The following POLR3E variants were observed in gnomAD, a reference collection of about 807,000 sequenced individuals.
The protein encoded by POLR3E is DNA-directed RNA polymerase III subunit RPC5.
In POLR3E, 41 loss-of-function variants were observed where a neutral mutation model predicts 96.6. That is an observed-to-expected ratio of 0.42 (90% CI 0.33 to 0.55). The LOEUF (loss-of-function observed/expected upper bound fraction) is 0.55. POLR3E is among the 20% of genes least tolerant of loss of function. POLR3E has a pLI of 0.06. For synonymous variants in POLR3E, 396 were observed against 383.6 expected (o/e 1.03, Z -0.38); for missense variants, 849 against 952.1 (o/e 0.89, Z 1.43).
At position 22,318,876 on chromosome 16, in the gene POLR3E, G is replaced by C. The variant is rs779553669; in HGVS notation, c.916G>C (p.Asp306His). 6.2e-7 allele frequency: 1 copy of C among 1,613,796 alleles called. No homozygotes were observed. The highest frequency in any genetic ancestry group is 8.5e-7 in the Non-Finnish European group (1 of 1,179,806). Residue 306 changes from aspartate (D) to histidine (H), a missense_variant, in exon 13 of 21, where the codon GAT (aspartate) becomes CAT (histidine). By Grantham distance (81) the Asp-to-His change is moderately conservative. Transcript: ENST00000299853. This position sits in a 1 kb window ranked among gnomAD's most constrained non-coding sequence, Gnocchi z 5.0. ...NLMSLLGPSIDSVAVLRGIQK... is the reference protein window; with the variant it reads ...NLMSLLGPSIHSVAVLRGIQK... ...GATGAGCCTCCTGGGCCCCTCCATC[G>C]ATTCCGTGGCTGTTCTGCGGGGCAT...
chr16:22,298,135 TC>T (rs1443610187), intron 1 of POLR3E, among the ~76,000 whole-genome samples: 1 of 152,236 alleles, frequency 6.6e-6, no homozygotes, highest in Non-Finnish European at 1.5e-5. Context: ...GACCATTCGG[TC>T]CGAGGAGGTG....
rs1325075392 is a variant in POLR3E at position 22,318,627 on chromosome 16, AG to A, written c.866-198del. 6.6e-6 allele frequency among the ~76,000 whole-genome samples: 1 copy of A among 152,194 alleles called. No homozygotes were observed. The highest frequency in any genetic ancestry group is 1.5e-5 in the Non-Finnish European group (1 of 68,038). On this transcript the variant is annotated intron_variant, in intron 12 of 20. Transcript: ENST00000299853. The surrounding 1 kb of genome is among the most constrained non-coding windows in gnomAD (Gnocchi z 5.0). ...TTAAGGGGCACTTCATATAATCCTC[AG>A]ATTTCATGAGGTGCCCAGTGCCTGG...
At position 22,333,181 on chromosome 16, in the gene POLR3E, G is replaced by A. The variant is rs144678520; in HGVS notation, c.2071-463G>A. 7.9e-3 allele frequency among the ~76,000 whole-genome samples: 1,183 copies of A among 150,000 alleles called. 5 individuals are homozygous for A. Among genetic ancestry groups the A allele is most frequent in the Non-Finnish European group, 0.013 (882 of 67,342 alleles). ...ATGCCCCTGAGGAATGGCCAGGCGC[G>A]GTGGCTCACACCTGTAATCCCAGCG... On this transcript the variant is annotated intron_variant, in intron 20 of 20. Transcript: ENST00000299853.
chr16:22,308,635 T>C (rs761364523), intron 4 of POLR3E, among the ~76,000 whole-genome samples: 6 of 152,190 alleles, frequency 3.9e-5, no homozygotes, highest in Non-Finnish European at 1.5e-5. Context: ...ATAAGGATTT[T>C]TATGAGAAAT....
chr16:22,311,771 C>T (rs960126481), intron 6 of POLR3E, among the ~76,000 whole-genome samples: 2 of 152,048 alleles, frequency 1.3e-5, no homozygotes, highest in Non-Finnish European at 2.9e-5. Context: ...TCTGGGATTA[C>T]AGATATGAGC....
intron 19 of POLR3E, 183 bp downstream of exon 19, chr16:22,328,770 T>G (rs568484204): frequency 3.4e-6 from 2 of 588,550 alleles, no homozygotes; most frequent in Non-Finnish European, 6.2e-6. Context: ...TGCCAATAGT[T>G]TGAACCTAAA....
rs777230978 is a variant in POLR3E, at chr16:22,325,194, CTT to C, written c.1287-10_1287-9del. 5.0e-6 allele frequency: 8 copies of C among 1,608,420 alleles called. No homozygotes were observed. The South Asian group carries it at 8.8e-5, about 18-fold the overall frequency. Reference sequence around the variant, plus strand: ...GTGGTTTAAAGTTAATGGGGTTACTCTTCTTTTCAGACTGGAAAAAGTCTATA... The same window carrying C: ...GTGGTTTAAAGTTAATGGGGTTACTCCTTTTCAGACTGGAAAAAGTCTATA... On this transcript the variant is annotated splice_polypyrimidine_tract_variant and intron_variant, in intron 16 of 20. Coordinates refer to ENST00000299853, the MANE Select transcript of POLR3E (RefSeq NM_018119.4).
intron 13 of POLR3E, among the ~76,000 whole-genome samples, chr16:22,320,358 T>A (rs1041108088): frequency 7.9e-5 from 12 of 151,942 alleles, no homozygotes; most frequent in African/African-American, 2.7e-4. Flanking sequence ...GTCTCCCGGG[T>A]TTAAGCGATT....
Position 22,317,130 on chromosome 16 carries a change from C to G in POLR3E, c.789C>G (p.Ala263=). Residue 263 remains alanine (A), a synonymous_variant, in exon 12 of 21, where the codon GCC becomes GCG. Coordinates refer to ENST00000299853, the MANE Select transcript of POLR3E (RefSeq NM_018119.4). ...CTTTTCCCAGAGACAAGCCTGTGGC[C>G]CCCAGCAACGTCCTGTCGATGGCCC... The part of the protein sequence containing the change: ...SQEEEKDKPV[A]PSNVLSMAQL... The G allele has an allele frequency of 4.3e-6, 7 of 1,614,160 alleles. No individual in the cohort carries two copies. The highest frequency in any genetic ancestry group is 5.9e-6 in the Non-Finnish European group (7 of 1,179,988).
In POLR3E at chr16:22,313,590, G is replaced by A. The variant is rs1207445122; in HGVS notation, c.365-30G>A. Reference sequence around the variant, plus strand: ...GAGCCAAACTGGGTGGGTTTCTAGAGTTGAGTCCAAGCCCTTCTTCCTCCG... The same window carrying A: ...GAGCCAAACTGGGTGGGTTTCTAGAATTGAGTCCAAGCCCTTCTTCCTCCG... On this transcript the variant is annotated intron_variant, in intron 6 of 20. Coordinates refer to ENST00000299853, the MANE Select transcript of POLR3E (RefSeq NM_018119.4). The surrounding 1 kb of genome is among the most constrained non-coding windows in gnomAD (Gnocchi z 4.1). 3 of 1,511,316 alleles carry A rather than the reference G, an allele frequency of 2.0e-6. No homozygotes were observed. In the South Asian group the frequency reaches 3.4e-5, roughly 17 times the overall value. The allele number at this position is 1,511,316 out of a possible 1,614,324, so 93.6% of individuals were successfully genotyped here.
At chr16:22,314,293 A>G (rs11864910) in intron 8 of POLR3E, among the ~76,000 whole-genome samples, 165 bp downstream of exon 8, 5,740 of 152,194 alleles carry the variant, frequency 0.038, 215 homozygotes, top group East Asian at 0.1. Flanking sequence ...TGTTCCAGCT[A>G]TACACAAGAT....
At chr16:22,323,138 G>A (rs1284603353) in intron 14 of POLR3E, among the ~76,000 whole-genome samples, 2 of 152,074 alleles carry the variant, frequency 1.3e-5, no homozygotes, top group African/African-American at 4.8e-5. Context: ...TAGCGCAGTC[G>A]GGGGGTGGGT....
intron 20 of POLR3E, among the ~76,000 whole-genome samples, 187 bp downstream of exon 20, chr16:22,332,372 G>A (rs778307595): frequency 6.6e-6 from 1 of 152,180 alleles, no homozygotes; most frequent in East Asian, 1.9e-4. Context: ...GGGGGTATGT[G>A]CCAGAGGACT....
chr16:22,332,217 C>A (rs200889118), intron 20 of POLR3E, 32 bp downstream of exon 20: 2 of 1,599,376 alleles, frequency 1.3e-6, no homozygotes, highest in African/African-American at 1.3e-5. Context: ...CAAACAATAT[C>A]AAAGGCTCTG....
rs558767071 is a variant in POLR3E at position 22,318,030 on chromosome 16, G to T, written c.866-796G>T. On this transcript the variant is annotated intron_variant, in intron 12 of 20. Transcript: ENST00000299853. This position sits in a 1 kb window ranked among gnomAD's most constrained non-coding sequence, Gnocchi z 5.0. ...GAGATGCCACCATGAGCTCTTAGGA[G>T]TCTAAGGAGAGAGGGGAGCTCCATG... Among the ~76,000 whole-genome samples the T allele has an allele frequency of 1.3e-5, 2 of 151,988 alleles. No homozygotes were observed. The highest frequency in any genetic ancestry group is 2.9e-5 in the Non-Finnish European group (2 of 68,002).
At chr16:22,317,272 T>C (rs769972432) in intron 12 of POLR3E, 66 bp downstream of exon 12, 24 of 1,195,864 alleles carry the variant, frequency 2.0e-5, no homozygotes, top group Non-Finnish European at 2.8e-5. Context: ...ATGGACTCTG[T>C]GGGACAGTGA....
intron 6 of POLR3E, 37 bp downstream of exon 6, chr16:22,309,547 C>A: frequency 4.7e-4 from 550 of 1,182,256 alleles, no homozygotes; most frequent in Non-Finnish European, 6.4e-4. Flanking sequence ...GGGGACATGG[C>A]ATTGGGGGGG....
At chr16:22,298,915 C>G in intron 1 of POLR3E, 1 of 453,812 alleles carries the variant, frequency 2.2e-6, no homozygotes, top group South Asian at 1.6e-5. Context: ...CCCATAACAG[C>G]TTTGATGAAG....
chr16:22,300,597 C>T (rs1177044112), intron 1 of POLR3E, among the ~76,000 whole-genome samples: 1 of 152,250 alleles, frequency 6.6e-6, no homozygotes, highest in Non-Finnish European at 1.5e-5. Context: ...ATCTGTGGCA[C>T]TTGGCAGCCG....
Sources: allele counts gnomAD v4.1 joint callset (sites outside exome capture counted in the v4.1 genomes callset), GRCh38; gene constraint gnomAD v4.1.1; non-coding constraint Gnocchi (gnomAD v3.1); transcripts MANE v1.5; gene names NCBI Gene and HGNC (gene_info 2026-07-23, HGNC 2026-07-21).